Variants in MYT1L observed in about 807,000 individuals in gnomAD.
MYT1L encodes myelin transcription factor 1 like.
MYT1L carries 12 observed loss-of-function variants against 126.7 expected under a neutral mutation model. The observed-to-expected ratio is 0.09, with a 90% confidence interval of 0.06 to 0.15. The LOEUF (loss-of-function observed/expected upper bound fraction) is 0.15. MYT1L is among the 10% of genes least tolerant of loss of function. The probability of loss-of-function intolerance (pLI) is 1.00; values close to 1 mark genes in which losing one functional copy is unlikely to be tolerated. For synonymous variants in MYT1L, 541 were observed against 604.2 expected, an observed-to-expected ratio of 0.90 and a Z score of 1.53; for missense variants, 979 against 1,585.2, an observed-to-expected ratio of 0.62 and a Z score of 6.49.
At chr2:1,861,402 G>GGGAT (rs1206200423) in intron 18 of MYT1L, among the ~76,000 whole-genome samples, 1 of 152,062 alleles carries the variant, frequency 6.6e-6, no homozygotes, top group Non-Finnish European at 1.5e-5. Flanking sequence ...TAGACAGGAG[G>GGGAT]GGATGTACAT....
At chr2:2,126,771 T>C (rs939374313) in intron 3 of MYT1L, among the ~76,000 whole-genome samples, 2 of 152,348 alleles carry the variant, frequency 1.3e-5, no homozygotes, top group East Asian at 3.9e-4. Context: ...CATCCGCACA[T>C]TTTATCACCA....
Position 1,902,849 on chromosome 2 carries a change from C to T in MYT1L, c.2032+231G>A, listed in dbSNP as rs997472061. On this transcript the variant is annotated intron_variant, in intron 14 of 24. Coordinates refer to ENST00000647738, the MANE Select transcript of MYT1L (RefSeq NM_001303052.2). The stretch of plus-strand genomic sequence containing the variant: ...CCACGAGCAGCCGAGTGCGCTGTCT[C>T]GGAATTATTGAGGGGAAACCATCTC... The T allele has an allele frequency of 7.2e-5, 39 of 545,298 alleles. No homozygotes were observed. The Admixed American group carries it at 1.1e-3, about 15-fold the overall frequency. The allele number at this position is 545,298 out of a possible 1,614,324, so 33.8% of individuals were successfully genotyped here.
At chr2:2,012,556 G>A (rs1393592546) in intron 4 of MYT1L, among the ~76,000 whole-genome samples, 2 of 152,164 alleles carry the variant, frequency 1.3e-5, no homozygotes, top group Non-Finnish European at 2.9e-5. Context: ...GACTATCATA[G>A]GCCCGCTTAT....
intron 8 of MYT1L, among the ~76,000 whole-genome samples, chr2:1,965,039 T>C (rs1187397571): frequency 6.6e-6 from 1 of 152,184 alleles, no homozygotes; most frequent in Non-Finnish European, 1.5e-5. Context: ...GCCCAGAAAA[T>C]TAAATTCACC....
intron 3 of MYT1L, among the ~76,000 whole-genome samples, chr2:2,150,915 C>CGGAA (rs1553515052): frequency 1.5e-5 from 2 of 133,784 alleles, no homozygotes; most frequent in African/African-American, 5.7e-5. Context: ...GGGAGGGAGA[C>CGGAA]GGAGGGAGGG....
Position 1,922,355 on chromosome 2 carries a change from G to T in MYT1L, c.1414C>A (p.Gln472Lys). ...MRSYEDQSPR[Q>K]LPGEDRKPKS... is the part of the protein sequence containing the mutation. The stretch of plus-strand genomic sequence containing the variant: ...GGCTTTCTGTCCTCCCCGGGAAGTT[G>T]TCTCGGAGACTGGTCCTCATATGAC... The change falls in exon 10 of 25, where the codon CAA becomes AAA. Residue 472 changes from glutamine to lysine, a missense_variant. Physicochemically the swap from Gln to Lys is moderately conservative, Grantham distance 53. Around this residue, in one of 12 missense-constraint regions of MYT1L, gnomAD observed 67 missense variants for 80.3 expected, o/e 0.83. Transcript: ENST00000647738. The surrounding 1 kb of genome is among the most constrained non-coding windows in gnomAD (Gnocchi z 7.4). 6.2e-7 allele frequency: 1 copy of T among 1,613,992 alleles called. No individual in the cohort carries two copies. Among genetic ancestry groups the T allele is most frequent in the Non-Finnish European group, 8.5e-7 (1 of 1,179,906 alleles).
intron 2 of MYT1L, among the ~76,000 whole-genome samples, chr2:2,222,431 G>A (rs71442324): frequency 0.075 from 11,342 of 152,068 alleles, 570 homozygotes; most frequent in Middle Eastern, 0.11. Context: ...GGGAGGCAGA[G>A]GTTGCAGTGA....
chr2:2,237,959 C>T (rs73913271), intron 2 of MYT1L, among the ~76,000 whole-genome samples: 47 of 152,302 alleles, frequency 3.1e-4, no homozygotes, highest in Middle Eastern at 3.4e-3. Context: ...GCGGGGCACA[C>T]GTGCAAACAC....
chr2:2,187,994 C>G (rs2092332164), intron 2 of MYT1L, among the ~76,000 whole-genome samples: 1 of 151,976 alleles, frequency 6.6e-6, no homozygotes, highest in Admixed American at 6.6e-5. Context: ...CTCTGTCTAC[C>G]TTAAAATAAC....
intron 18 of MYT1L, among the ~76,000 whole-genome samples, chr2:1,863,295 G>A (rs2044962510): frequency 6.6e-6 from 1 of 152,200 alleles, no homozygotes; most frequent in African/African-American, 2.4e-5. Context: ...AGCAGGCTTA[G>A]TCCACGCTGG....
chr2:1,953,363 A>T (rs997657276), intron 8 of MYT1L, among the ~76,000 whole-genome samples: 1 of 152,152 alleles, frequency 6.6e-6, no homozygotes, highest in African/African-American at 2.4e-5. Flanking sequence ...ACTGTTGCCC[A>T]TTTTCCATCA....
At chr2:2,108,012 T>C (rs1488541082) in intron 3 of MYT1L, among the ~76,000 whole-genome samples, 2 of 152,174 alleles carry the variant, frequency 1.3e-5, no homozygotes. Context: ...GGCATATGCT[T>C]GAATAAACCT....
In MYT1L at chr2:2,251,543, G is replaced by A. The variant is rs17039464; in HGVS notation, c.-421+32861C>T. On this transcript the variant is annotated intron_variant, in intron 2 of 24. Coordinates refer to ENST00000647738, the MANE Select transcript of MYT1L (RefSeq NM_001303052.2). ...CCCTCACACCCTGTTTTTATGAAGC[G>A]CTATTATTCCAAGGAATGCACCCAG... Among the ~76,000 whole-genome samples the A allele has an allele frequency of 4.6e-3, 701 of 152,156 alleles. 3 individuals carry two copies. The highest frequency in any genetic ancestry group is 0.016 in the African/African-American group (666 of 41,480).
chr2:1,910,426 C>A lies in MYT1L; in HGVS notation c.1710-79G>T. 1 of 1,321,210 alleles carries A rather than the reference C, an allele frequency of 7.6e-7. No individual in the cohort carries two copies. Among genetic ancestry groups the A allele is most frequent in the South Asian group, 1.2e-5 (1 of 81,346 alleles). 81.8% of individuals were successfully genotyped at this position (1,321,210 alleles called of 1,614,324 possible). On this transcript the variant is annotated intron_variant, in intron 12 of 24. Coordinates refer to ENST00000647738, the MANE Select transcript of MYT1L (RefSeq NM_001303052.2). This position sits in a 1 kb window ranked among gnomAD's most constrained non-coding sequence, Gnocchi z 4.8. The stretch of plus-strand genomic sequence containing the variant: ...CACTAATCCTCCCTTAGCACCAAGA[C>A]CCTGATGCAGGTGGAGCTGGTGAGG...
At position 1,976,592 on chromosome 2, in the gene MYT1L, A is replaced by C. The variant is rs1039073383; in HGVS notation, c.152+2573T>G. On this transcript the variant is annotated intron_variant, in intron 8 of 24. Transcript: ENST00000647738. ...AGGAGACAGAGGTTGCAGTGAGCCAAGATTGTGCCACTGCACTCCAGCCTG... is the reference window on the plus strand; with the variant it reads ...AGGAGACAGAGGTTGCAGTGAGCCACGATTGTGCCACTGCACTCCAGCCTG... Among the ~76,000 whole-genome samples the C allele has an allele frequency of 5.3e-5, 8 of 152,346 alleles. No homozygotes were observed. The East Asian group carries it at 1.5e-3, about 29-fold the overall frequency.
At chr2:2,096,448 T>G (rs986417705) in intron 3 of MYT1L, among the ~76,000 whole-genome samples, 15 of 152,230 alleles carry the variant, frequency 9.9e-5, no homozygotes, top group African/African-American at 3.4e-4. Flanking sequence ...CTTTTCAGGT[T>G]GTTCAGGTTC....
At chr2:2,283,727 A>T (rs759400510) in intron 2 of MYT1L, among the ~76,000 whole-genome samples, 3 of 152,214 alleles carry the variant, frequency 2.0e-5, no homozygotes, top group Non-Finnish European at 4.4e-5. Context: ...CTGAAAATTT[A>T]CACAGTTATG....
intron 3 of MYT1L, among the ~76,000 whole-genome samples, chr2:2,117,735 C>T (rs998172979): frequency 1.3e-5 from 2 of 151,984 alleles, no homozygotes; most frequent in African/African-American, 4.8e-5. Flanking sequence ...ACAATAAAAA[C>T]TAACAAAAAT....
At chr2:2,329,404 A>C (rs1328422965) in intron 1 of MYT1L, among the ~76,000 whole-genome samples, 1 of 152,128 alleles carries the variant, frequency 6.6e-6, no homozygotes, top group Non-Finnish European at 1.5e-5. Flanking sequence ...ATATGTACAG[A>C]TCAAAAGACA....
Sources: allele counts gnomAD v4.1 joint callset (sites outside exome capture counted in the v4.1 genomes callset), GRCh38; gene constraint gnomAD v4.1.1; regional missense constraint gnomAD v4.1.1; non-coding constraint Gnocchi (gnomAD v3.1); transcripts MANE v1.5; gene names NCBI Gene and HGNC (gene_info 2026-07-23, HGNC 2026-07-21).